CSMD1: variants seen among roughly 807,000 people sequenced by gnomAD.
CSMD1 encodes CUB and Sushi multiple domains 1.
Under a neutral mutation model 417.5 loss-of-function variants are expected in CSMD1, and 213 were observed. The ratio of observed to expected loss-of-function variants is 0.51; its 90% CI spans 0.46 to 0.57. The LOEUF is 0.57. Ranked by LOEUF, CSMD1 falls within the 20% of genes least tolerant of loss-of-function variation. The probability of loss-of-function intolerance (pLI) is 0.00; values close to 1 mark genes in which losing one functional copy is unlikely to be tolerated. For missense variants in CSMD1, 6,923 were observed against 4,529.7 expected, an observed-to-expected ratio of 1.53 and a Z score of -15.17; for synonymous variants, 2,862 against 1,736.8, an observed-to-expected ratio of 1.65 and a Z score of -16.11.
intron 54 of CSMD1, among the ~76,000 whole-genome samples, chr8:2,997,436 C>T (rs1474100308): frequency 6.6e-6 from 1 of 152,120 alleles, no homozygotes; most frequent in African/African-American, 2.4e-5. Context: ...ATCTTAATAC[C>T]ATAAAAAATA....
At chr8:4,225,949 G>A (rs1801325803) in intron 3 of CSMD1, among the ~76,000 whole-genome samples, 1 of 152,070 alleles carries the variant, frequency 6.6e-6, no homozygotes, top group South Asian at 2.1e-4. Context: ...ATTTGAATGT[G>A]AATTTCATGT....
chr8:4,412,525 T>A (rs1563146436), intron 3 of CSMD1, among the ~76,000 whole-genome samples: 1 of 152,228 alleles, frequency 6.6e-6, no homozygotes, highest in South Asian at 2.1e-4. Context: ...ACCTATTTTA[T>A]CGGAAAATTA....
chr8:3,900,627 T>TG (rs1807682591), intron 5 of CSMD1, among the ~76,000 whole-genome samples: 1 of 151,930 alleles, frequency 6.6e-6, no homozygotes, highest in Non-Finnish European at 1.5e-5. Context: ...CTAAGTTGGG[T>TG]AACAGTGCAG....
At chr8:3,956,965 G>A (rs187525345) in intron 5 of CSMD1, among the ~76,000 whole-genome samples, 23 of 152,032 alleles carry the variant, frequency 1.5e-4, no homozygotes, top group Admixed American at 1.3e-3. Flanking sequence ...ATACGGAAAG[G>A]TTGGACCTGT....
intron 7 of CSMD1, among the ~76,000 whole-genome samples, chr8:3,680,869 C>A (rs1425923897): frequency 6.6e-6 from 1 of 152,286 alleles, no homozygotes; most frequent in South Asian, 2.1e-4. Flanking sequence ...CCCTGGGATG[C>A]AAGGCTGGTT....
intron 49 of CSMD1, among the ~76,000 whole-genome samples, chr8:3,070,939 C>T (rs898047164): frequency 6.6e-6 from 1 of 152,170 alleles, no homozygotes; most frequent in East Asian, 1.9e-4. Flanking sequence ...GTTCTGTGGG[C>T]TTTATAGGAA....
At chr8:4,399,572 G>A (rs1804507559) in intron 3 of CSMD1, among the ~76,000 whole-genome samples, 1 of 151,394 alleles carries the variant, frequency 6.6e-6, no homozygotes, top group African/African-American at 2.4e-5. Context: ...CCCCTTTTTT[G>A]TCTTTATACC....
intron 26 of CSMD1, among the ~76,000 whole-genome samples, chr8:3,249,625 G>T (rs1336856142): frequency 6.6e-6 from 1 of 152,130 alleles, no homozygotes; most frequent in African/African-American, 2.4e-5. Context: ...TATACATATA[G>T]GAGATAATGT....
chr8:3,993,931 G>T (rs1267485508), intron 5 of CSMD1, among the ~76,000 whole-genome samples: 1 of 152,174 alleles, frequency 6.6e-6, no homozygotes, highest in Non-Finnish European at 1.5e-5. Flanking sequence ...CTGAACAAAT[G>T]CACCAGGGAT....
chr8:3,071,688 T>C (rs1440118773), intron 49 of CSMD1, among the ~76,000 whole-genome samples: 1 of 152,126 alleles, frequency 6.6e-6, no homozygotes, highest in East Asian at 1.9e-4. Context: ...TTGGAAAATG[T>C]GAGCAAAAAA....
intron 25 of CSMD1, among the ~76,000 whole-genome samples, chr8:3,307,067 C>A (rs183173342): frequency 6.6e-6 from 1 of 152,262 alleles, no homozygotes; most frequent in East Asian, 1.9e-4. Context: ...CCCATCCCTG[C>A]ACACAAGTCT....
intron 3 of CSMD1, among the ~76,000 whole-genome samples, chr8:4,278,873 T>C (rs1796630899): frequency 6.6e-6 from 1 of 152,178 alleles, no homozygotes; most frequent in African/African-American, 2.4e-5. Context: ...GCAGTATGTA[T>C]GTAATAAAGG....
In CSMD1 at chr8:3,997,995, G is replaced by A. The variant is rs368733551; in HGVS notation, c.726C>T (p.Pro242=). ...TGAAGACCAGCGCAATGGTGTCCCC[G>A]GGCTCAGCCAGAATGGTCCAGGTGC... ...ADCTWTILAE[P]GDTIALVFTD... is the part of the protein sequence containing the mutation. Residue 242 remains proline, a synonymous_variant, in exon 5 of 70, where the codon CCC becomes CCT. Transcript: ENST00000635120. The A allele has an allele frequency of 1.4e-5, 23 of 1,609,928 alleles. No individual in the cohort carries two copies. The highest frequency in any genetic ancestry group is 1.7e-5 in the Non-Finnish European group (20 of 1,178,012).
At chr8:3,234,601 A>G (rs2116930484) in intron 26 of CSMD1, among the ~76,000 whole-genome samples, 1 of 152,298 alleles carries the variant, frequency 6.6e-6, no homozygotes, top group Admixed American at 6.5e-5. Context: ...CTTTCCTCCC[A>G]TCAGCTGCAA....
Position 4,519,742 on chromosome 8 carries a change from C to CAAAAAAAAAAAAAA in CSMD1, c.303-99691_303-99678dup, listed in dbSNP as rs57747377. Among the ~76,000 whole-genome samples, 111 of 80,366 alleles carry CAAAAAAAAAAAAAA rather than the reference C, an allele frequency of 1.4e-3. 42 individuals carry two copies. Among genetic ancestry groups the CAAAAAAAAAAAAAA allele is most frequent in the African/African-American group, 3.8e-3 (73 of 19,120 alleles). The allele number at this position is 80,366 out of a possible 152,430, so 52.7% of individuals were successfully genotyped here. A position where few individuals can be genotyped will look rare whatever the true frequency, so the allele number is the denominator to read the frequency against. On this transcript the variant is annotated intron_variant, in intron 2 of 69. Coordinates refer to ENST00000635120, the MANE Select transcript of CSMD1 (RefSeq NM_033225.6). The stretch of plus-strand genomic sequence containing the variant: ...TAGGCAGCAGAGTCAGACTTCATCT[C>CAAAAAAAAAAAAAA]AAAAAAAAAAAAAAAAAAAAAAAAA...
intron 38 of CSMD1, among the ~76,000 whole-genome samples, chr8:3,159,734 A>C (rs184710036): frequency 6.6e-6 from 1 of 152,342 alleles, no homozygotes; most frequent in East Asian, 1.9e-4. Context: ...GCATTTGAAA[A>C]ACAGAGCTAA....
chr8:3,310,398 T>G (rs1805236376), intron 23 of CSMD1, among the ~76,000 whole-genome samples: 1 of 152,212 alleles, frequency 6.6e-6, no homozygotes, highest in Non-Finnish European at 1.5e-5. Context: ...AAGGCAGTCC[T>G]GCCCAGCATT....
intron 5 of CSMD1, among the ~76,000 whole-genome samples, chr8:3,913,041 C>A (rs547182994): frequency 6.6e-6 from 1 of 152,226 alleles, no homozygotes; most frequent in Non-Finnish European, 1.5e-5. Context: ...AGAATCGTGA[C>A]TTTAGCAGCA....
chr8:3,790,956 G>T (rs185156413), intron 5 of CSMD1, among the ~76,000 whole-genome samples: 3 of 152,132 alleles, frequency 2.0e-5, no homozygotes, highest in Admixed American at 2.0e-4. Flanking sequence ...TTAACTCACA[G>T]GAAAGATGGT....
Sources: gnomAD v4.1 joint callset for allele counts (sites outside exome capture counted in the v4.1 genomes callset) on GRCh38, gnomAD v4.1.1 for gene constraint, MANE v1.5 for transcripts, NCBI Gene and HGNC (gene_info 2026-07-23, HGNC 2026-07-21) for gene names.